The following WWOX variants were observed in gnomAD, a reference collection of about 807,000 sequenced individuals.
WWOX encodes the protein WW domain containing oxidoreductase.
In WWOX, 69 loss-of-function variants were observed where a neutral mutation model predicts 46.2. The observed-to-expected ratio is 1.49, with a 90% CI of 1.23 to 1.82. The LOEUF is 1.82. Ranked by LOEUF, WWOX falls within the 40% of genes most tolerant of loss-of-function variation. The pLI, the probability that WWOX is intolerant of heterozygous loss-of-function variation, is 0.00. For synonymous variants in WWOX, 359 were observed against 202.6 expected (o/e 1.77, Z -6.56); for missense variants, 919 against 542.6 (o/e 1.69, Z -6.89).
intron 8 of WWOX, among the ~76,000 whole-genome samples, chr16:78,783,555 A>G (rs1193531776): frequency 6.6e-6 from 1 of 152,230 alleles, no homozygotes; most frequent in Non-Finnish European, 1.5e-5. Flanking sequence ...TAAGAGGTTG[A>G]TGTGTATGAG....
chr16:78,123,435 G>GTTTTTTTTTTTTTTTTTTT lies in WWOX; in HGVS notation c.409+8285_409+8286insTTTTTTTTTTTTTTTTTTT, dbSNP rs200594331. 19 of 48,714 alleles carry GTTTTTTTTTTTTTTTTTTT rather than the reference G, an allele frequency of 3.9e-4. 3 individuals carry two copies. Among genetic ancestry groups the GTTTTTTTTTTTTTTTTTTT allele is most frequent in the East Asian group, 8.6e-4 (1 of 1,160 alleles). 3.0% of individuals were successfully genotyped at this position (48,714 alleles called of 1,614,324 possible). On this transcript the variant is annotated intron_variant, in intron 4 of 8. Coordinates refer to ENST00000566780, the MANE Select transcript of WWOX (RefSeq NM_016373.4). The stretch of plus-strand genomic sequence containing the variant: ...CCCTATGTTTTTTTCTTTGTTTTTT[G>GTTTTTTTTTTTTTTTTTTT]TTTTGTTTTTTTTTTTTTTGTTTTT...
intron 8 of WWOX, among the ~76,000 whole-genome samples, chr16:79,189,342 C>T (rs1040682468): frequency 6.6e-6 from 1 of 151,842 alleles, no homozygotes; most frequent in East Asian, 1.9e-4. Context: ...ACTGCAGCCT[C>T]GACTTCCCAG....
intron 8 of WWOX, among the ~76,000 whole-genome samples, chr16:78,954,888 C>G (rs918264570): frequency 3.3e-5 from 5 of 152,096 alleles, no homozygotes; most frequent in South Asian, 4.2e-4. Flanking sequence ...CTCCTGGACT[C>G]AAGAGATCCT....
chr16:78,846,029 C>CA (rs1174452935), intron 8 of WWOX, among the ~76,000 whole-genome samples: 1 of 152,132 alleles, frequency 6.6e-6, no homozygotes, highest in African/African-American at 2.4e-5. Context: ...AGGCACTGCA[C>CA]AGGATGGAAA....
At position 78,621,511 on chromosome 16, in the gene WWOX, T is replaced by G. The variant is rs563128900; in HGVS notation, c.1056+188759T>G. ...GATACACATTTCCATTTTACTTCTA[T>G]TTGGTAGTCTCAGAACTTGGCTTTT... On this transcript the variant is annotated intron_variant, in intron 8 of 8. Coordinates refer to ENST00000566780, the MANE Select transcript of WWOX (RefSeq NM_016373.4). Among the ~76,000 whole-genome samples the G allele has an allele frequency of 3.9e-5, 6 of 151,934 alleles. No homozygotes were observed. In the South Asian group the frequency reaches 1.2e-3, roughly 32 times the overall value.
chr16:78,837,551 A>G (rs773804920), intron 8 of WWOX, among the ~76,000 whole-genome samples: 3 of 152,080 alleles, frequency 2.0e-5, no homozygotes, highest in African/African-American at 4.8e-5. Context: ...TTTTTTTATT[A>G]TTATTTTTTA....
At chr16:79,178,284 G>A (rs929571435) in intron 8 of WWOX, among the ~76,000 whole-genome samples, 1 of 152,114 alleles carries the variant, frequency 6.6e-6, no homozygotes, top group South Asian at 2.1e-4. Context: ...TTTGACCCAT[G>A]GGCTGCAGTT....
intron 8 of WWOX, among the ~76,000 whole-genome samples, chr16:78,866,596 G>A (rs1012818989): frequency 2.2e-4 from 33 of 152,160 alleles, no homozygotes; most frequent in Admixed American, 6.5e-5. Context: ...AGTGTTCAGG[G>A]CCACCAAGGC....
intron 8 of WWOX, among the ~76,000 whole-genome samples, chr16:78,768,159 G>A (rs1033613671): frequency 2.3e-5 from 1 of 43,260 alleles, no homozygotes; most frequent in Admixed American, 2.3e-4. Flanking sequence ...CTGCGGGGCG[G>A]GGGGGTCGGT....
intron 4 of WWOX, among the ~76,000 whole-genome samples, chr16:78,150,433 C>T (rs1190481034): frequency 2.6e-5 from 4 of 152,008 alleles, no homozygotes; most frequent in Non-Finnish European, 5.9e-5. Context: ...TGCAGTGGTG[C>T]AATTATGCAA....
At chr16:78,587,590 T>C (rs1021406184) in intron 8 of WWOX, among the ~76,000 whole-genome samples, 1 of 152,048 alleles carries the variant, frequency 6.6e-6, no homozygotes, top group Non-Finnish European at 1.5e-5. Flanking sequence ...AACAGAGATG[T>C]TGATGAGAAG....
intron 8 of WWOX, among the ~76,000 whole-genome samples, chr16:79,054,828 A>C (rs1292512108): frequency 6.6e-6 from 1 of 152,176 alleles, no homozygotes; most frequent in Non-Finnish European, 1.5e-5. Context: ...CTTTGTCTCA[A>C]AACAAACAAA....
chr16:79,073,143 G>C (rs866413696), intron 8 of WWOX, among the ~76,000 whole-genome samples: 1 of 121,562 alleles, frequency 8.2e-6, no homozygotes. Context: ...CATTATAGTA[G>C]TTATTCGTTA....
intron 8 of WWOX, among the ~76,000 whole-genome samples, chr16:79,139,772 G>C (rs933650046): frequency 2.6e-5 from 4 of 152,190 alleles, no homozygotes; most frequent in Admixed American, 1.3e-4. Context: ...TCCAATAAAA[G>C]AGGCAGAAAG....
intron 8 of WWOX, among the ~76,000 whole-genome samples, chr16:78,986,477 C>G (rs2046787071): frequency 6.6e-6 from 1 of 152,176 alleles, no homozygotes; most frequent in South Asian, 2.1e-4. Context: ...CTGATTGTAC[C>G]ACTCTTTGGA....
intron 8 of WWOX, among the ~76,000 whole-genome samples, chr16:79,103,427 C>G (rs2049242992): frequency 6.6e-6 from 1 of 152,178 alleles, no homozygotes; most frequent in African/African-American, 2.4e-5. Flanking sequence ...TTTAGGGGCT[C>G]AAGCACAACC....
At chr16:78,637,355 C>G (rs1005433032) in intron 8 of WWOX, among the ~76,000 whole-genome samples, 4 of 151,728 alleles carry the variant, frequency 2.6e-5, no homozygotes, top group African/African-American at 7.3e-5. Flanking sequence ...GCAGCAGAGT[C>G]TGTTGAACCC....
At chr16:78,967,842 C>T (rs563881593) in intron 8 of WWOX, among the ~76,000 whole-genome samples, 9 of 152,156 alleles carry the variant, frequency 5.9e-5, no homozygotes, top group African/African-American at 1.9e-4. Context: ...GGGAGTGATG[C>T]CACATAAATC....
chr16:78,430,704 G>A (rs1247345222), intron 7 of WWOX, among the ~76,000 whole-genome samples: 1 of 152,052 alleles, frequency 6.6e-6, no homozygotes, highest in East Asian at 1.9e-4. Context: ...CCAACAATTC[G>A]TTTCAAGGTC....
Sources: gnomAD v4.1 joint callset for allele counts (sites outside exome capture counted in the v4.1 genomes callset) on GRCh38, gnomAD v4.1.1 for gene constraint, MANE v1.5 for transcripts, NCBI Gene and HGNC (gene_info 2026-07-23, HGNC 2026-07-21) for gene names.